SGSH: variants seen among roughly 807,000 people sequenced by gnomAD.
SGSH encodes the protein heparan sulfate sulfatase.
Under a neutral mutation model 51.0 loss-of-function variants are expected in SGSH, and 48 were observed. The observed-to-expected ratio is 0.94, with a 90% CI of 0.75 to 1.20. The LOEUF (loss-of-function observed/expected upper bound fraction) is 1.20. Ranked by LOEUF, SGSH falls within the 50% of genes most tolerant of loss-of-function variation. The pLI is 0.00. For synonymous variants in SGSH, 321 were observed against 313.4 expected, an observed-to-expected ratio of 1.02 and a Z score of -0.26; for missense variants, 662 against 717.8, an observed-to-expected ratio of 0.92 and a Z score of 0.89.
In SGSH at chr17:80,214,250, C is replaced by G. The variant is rs756193095; in HGVS notation, c.585G>C (p.Glu195Asp). 58 of 1,613,164 alleles carry G rather than the reference C, an allele frequency of 3.6e-5. No homozygotes were observed. Among genetic ancestry groups the G allele is most frequent in the Admixed American group, 1.0e-4 (6 of 60,004 alleles). ...TGCCGCTCTCTCCGTTGCCAAACTT[C>G]TCACAGAAGGTTCCGTACTGGGGCT... ...HSQPQYGTFC[E>D]KFGNGESGMG... Residue 195 changes from glutamate to aspartate, a missense_variant, in exon 5 of 8, where the codon GAG (glutamate) becomes GAC (aspartate). By Grantham distance (45) the Glu-to-Asp change is conservative (BLOSUM62 2). Transcript: ENST00000326317.
At position 80,209,290 on chromosome 17, in the gene SGSH, G is replaced by C; in HGVS notation, c.*1162C>G. 1.0e-6 allele frequency: 1 copy of C among 983,412 alleles called. No individual in the cohort carries two copies. The highest frequency in any genetic ancestry group is 1.2e-6 in the Non-Finnish European group (1 of 828,094). 60.9% of individuals were successfully genotyped at this position (983,412 alleles called of 1,614,324 possible). A position where few individuals can be genotyped will look rare whatever the true frequency, so the allele number is the denominator to read the frequency against. The stretch of plus-strand genomic sequence containing the variant: ...ATCATCATAAATGAGTTCAGAAAAA[G>C]AACTTCTGTATATTTTACTAAAATA... On this transcript the variant is annotated 3_prime_UTR_variant, in exon 8 of 8. Coordinates refer to ENST00000326317, the MANE Select transcript of SGSH (RefSeq NM_000199.5).
Position 80,212,358 on chromosome 17 carries a change from G to A in SGSH, c.746-84C>T, listed in dbSNP as rs1324686524. On this transcript the variant is annotated intron_variant, in intron 6 of 7. Transcript: ENST00000326317. The surrounding 1 kb of genome is among the most constrained non-coding windows in gnomAD (Gnocchi z 5.9). ...GGTGTGTGTAGACCCACCTGCTGCT[G>A]CATCCGGCCGCTGGGCTCCAGCGCT... The A allele has an allele frequency of 8.4e-7, 1 of 1,192,394 alleles. No individual in the cohort carries two copies. The highest frequency in any genetic ancestry group is 1.5e-5 in the African/African-American group (1 of 65,854). The allele number at this position is 1,192,394 out of a possible 1,614,324, so 73.9% of individuals were successfully genotyped here. A position where few individuals can be genotyped will look rare whatever the true frequency, so the allele number is the denominator to read the frequency against.
rs201132655 is a variant in SGSH, at chr17:80,217,164, C to A, written c.117G>T (p.Ala39=). The A allele has an allele frequency of 1.7e-5, 27 of 1,601,470 alleles. No individual in the cohort carries two copies. Among genetic ancestry groups the A allele is most frequent in the Non-Finnish European group, 2.2e-5 (26 of 1,176,908 alleles). Residue 39 remains alanine, a synonymous_variant, in exon 2 of 8, where the codon GCG becomes GCT. Coordinates refer to ENST00000326317, the MANE Select transcript of SGSH (RefSeq NM_000199.5). ...LADDGGFESG[A]YNNSAIATPH... is the part of the protein sequence containing the mutation. ...GGGTGGCGATGGCGCTGTTGTTGTACGCGCCACTCTCAAAGCCTCCGTCAT... is the reference window on the plus strand; with the variant it reads ...GGGTGGCGATGGCGCTGTTGTTGTAAGCGCCACTCTCAAAGCCTCCGTCAT...
chr17:80,205,418 A>C, downstream of SGSH: 1 of 1,420,506 alleles, frequency 7.0e-7, no homozygotes, highest in Admixed American at 2.1e-5. Context: ...ACATCCTAAG[A>C]AGAGCTTCTC....
chr17:80,204,391 G>A (rs2041162957), downstream of SGSH: 1 of 1,485,692 alleles, frequency 6.7e-7, no homozygotes, highest in Non-Finnish European at 9.1e-7. Context: ...AGTGGGTGAG[G>A]GGCTTTGGGA....
Position 80,217,033 on chromosome 17 carries a change from T to A in SGSH, c.248A>T (p.Gln83Leu). ...SRASLLTGLP[Q>L]HQNGMYGLHQ... is the part of the protein sequence containing the mutation. ...CTCCTCCCGCCCCTTGCACCTCACCTGGGGCAGGCCAGTGAGGAGGCTGGC... is the reference window on the plus strand; with the variant it reads ...CTCCTCCCGCCCCTTGCACCTCACCAGGGGCAGGCCAGTGAGGAGGCTGGC... The change falls in exon 2 of 8, where the codon CAG (glutamine) becomes CTG (leucine). Residue 83 changes from glutamine to leucine, a missense_variant and splice_region_variant. Gln to Leu is a moderately radical substitution (Grantham distance 113). Coordinates refer to ENST00000326317, the MANE Select transcript of SGSH (RefSeq NM_000199.5). 6.4e-7 allele frequency: 1 copy of A among 1,567,442 alleles called. No homozygotes were observed. Among genetic ancestry groups the A allele is most frequent in the Non-Finnish European group, 8.6e-7 (1 of 1,158,506 alleles).
At chr17:80,211,463 C>T (rs2041662832) in intron 7 of SGSH, 1 of 298,264 alleles carries the variant, frequency 3.4e-6, no homozygotes, top group Non-Finnish European at 6.5e-6. Context: ...GGGCAGGACA[C>T]ACGAGCCTCT....
chr17:80,215,288 A>C, intron 2 of SGSH, 150 bp from the exon 3 acceptor site: 1 of 684,190 alleles, frequency 1.5e-6, no homozygotes, highest in South Asian at 1.6e-5. Context: ...CACTGGCTGT[A>C]CCTCCCACTC....
At chr17:80,204,219 T>C, downstream of SGSH, 1 of 1,579,492 alleles carries the variant, frequency 6.3e-7, no homozygotes, top group Non-Finnish European at 8.7e-7. Context: ...TCTCTGTCCC[T>C]CCTTTAGCCA....
chr17:80,202,704 G>A (rs570093132), downstream of SGSH: 46 of 967,660 alleles, frequency 4.8e-5, 1 homozygote, highest in South Asian at 1.5e-4. Flanking sequence ...CTGGATCCCC[G>A]TCTGTGGTGG....
downstream of SGSH, chr17:80,206,767 A>C: frequency 2.8e-6 from 1 of 361,668 alleles, no homozygotes; most frequent in East Asian, 4.3e-5. Context: ...ACTCCGTCTC[A>C]AAAAAATAAA....
Position 80,214,722 on chromosome 17 carries a change from C to T in SGSH, c.399G>A (p.Pro133=), listed in dbSNP as rs752056541. The change falls in exon 4 of 8, where the codon CCG becomes CCA. Residue 133 remains proline, a synonymous_variant. Coordinates refer to ENST00000326317, the MANE Select transcript of SGSH (RefSeq NM_000199.5). The part of the protein sequence containing the change: ...KKHVGPETVY[P]FDFAYTEENG... The stretch of plus-strand genomic sequence containing the variant: ...TCTCCTCCGTGTACGCAAAGTCAAA[C>T]GGGTACACGGTCTCCGGCCCCACGT... 24 of 1,612,978 alleles carry T rather than the reference C, an allele frequency of 1.5e-5. No individual in the cohort carries two copies. Among genetic ancestry groups the T allele is most frequent in the African/African-American group, 4.0e-5 (3 of 74,924 alleles).
rs1298944219 is a variant in SGSH, at chr17:80,210,581, A to G, written c.1380T>C (p.Leu460=). 6.2e-7 allele frequency: 1 copy of G among 1,613,240 alleles called. No individual in the cohort carries two copies. Among genetic ancestry groups the G allele is most frequent in the Non-Finnish European group, 8.5e-7 (1 of 1,179,890 alleles). The part of the protein sequence containing the change: ...NLATDPRFAQ[L]LEMLRDQLAK... ...CCAGCTGGTCCCGAAGCATCTCCAG[A>G]AGCTGAGCAAAGCGCGGGTCGGTGG... The change falls in exon 8 of 8, where the codon CTT becomes CTC. Residue 460 remains leucine (L), a synonymous_variant. Transcript: ENST00000326317.
rs767227727 is a variant in SGSH, at chr17:80,217,192, G to A, written c.89C>T (p.Ala30Val). ...ARPRNALLLL[A>V]DDGGFESGAY... ...GCCACTCTCAAAGCCTCCGTCATCCGCTGCGTGAGGTGGGAGACAGAGAGT... is the reference window on the plus strand; with the variant it reads ...GCCACTCTCAAAGCCTCCGTCATCCACTGCGTGAGGTGGGAGACAGAGAGT... Residue 30 changes from alanine to valine, a missense_variant and splice_region_variant, in exon 2 of 8, where the codon GCG (alanine) becomes GTG (valine). Coordinates refer to ENST00000326317, the MANE Select transcript of SGSH (RefSeq NM_000199.5). 43 of 1,597,268 alleles carry A rather than the reference G, an allele frequency of 2.7e-5. No individual in the cohort carries two copies. The highest frequency in any genetic ancestry group is 9.0e-5 in the South Asian group (8 of 88,990).
chr17:80,210,751 C>A lies in SGSH; in HGVS notation c.1210G>T (p.Val404Phe). 6.2e-7 allele frequency: 1 copy of A among 1,613,994 alleles called. No individual in the cohort carries two copies. Among genetic ancestry groups the A allele is most frequent in the Non-Finnish European group, 8.5e-7 (1 of 1,180,030 alleles). ...MPFPIDQDFY[V>F]SPTFQDLLNR... Reference sequence around the variant, plus strand: ...AGGAGGTCCTGGAAGGTGGGTGAGACGTAGAAGTCCTGGTCGATGGGAAAG... The same window carrying A: ...AGGAGGTCCTGGAAGGTGGGTGAGAAGTAGAAGTCCTGGTCGATGGGAAAG... The change falls in exon 8 of 8, where the codon GTC (valine) becomes TTC (phenylalanine). Residue 404 changes from valine (V) to phenylalanine (F), a missense_variant. Transcript: ENST00000326317.
downstream of SGSH, chr17:80,202,005 A>G: frequency 7.6e-7 from 1 of 1,323,736 alleles, no homozygotes. Context: ...GCTGTGCCCC[A>G]GGTCCCCAGG....
rs2041601835 is a variant in SGSH, at chr17:80,210,605, G to A, written c.1356C>T (p.Ala452=). The A allele has an allele frequency of 1.2e-6, 2 of 1,613,482 alleles. No individual in the cohort carries two copies. The highest frequency in any genetic ancestry group is 1.1e-5 in the South Asian group (1 of 91,072). ...GAAGCTGAGCAAAGCGCGGGTCGGT[G>A]GCCAGGTTCTGGGTCTCGTGGGGGT... is the stretch of plus-strand genomic sequence containing the variant. ...SRDPHETQNL[A]TDPRFAQLLE... Residue 452 remains alanine, a synonymous_variant, in exon 8 of 8, where the codon GCC becomes GCT. Coordinates refer to ENST00000326317, the MANE Select transcript of SGSH (RefSeq NM_000199.5).
chr17:80,208,158 G>A, downstream of SGSH: 1 of 1,544,840 alleles, frequency 6.5e-7, no homozygotes, highest in Non-Finnish European at 8.7e-7. Context: ...CAGCGGTTGG[G>A]CACCTCAGAG....
At chr17:80,211,904 C>G in intron 7 of SGSH, 167 bp downstream of exon 7, 1 of 675,076 alleles carries the variant, frequency 1.5e-6, no homozygotes, top group Non-Finnish European at 2.7e-6. Flanking sequence ...CTTCACCTCT[C>G]TGAGCCTCAT....
Sources: gnomAD v4.1 joint callset for allele counts on GRCh38, gnomAD v4.1.1 for gene constraint, Gnocchi (gnomAD v3.1) non-coding constraint, MANE v1.5 for transcripts, NCBI Gene and HGNC (gene_info 2026-07-23, HGNC 2026-07-21) for gene names.